Variants in GPAT3 observed in about 807,000 individuals in gnomAD.
GPAT3 encodes the protein 1-AGP acyltransferase 9.
GPAT3 carries 53 observed loss-of-function variants against 58.8 expected under a neutral mutation model. The observed-to-expected ratio is 0.90, with a 90% confidence interval of 0.72 to 1.13. The LOEUF is 1.13. GPAT3 is among the 50% of genes most tolerant of loss of function. The pLI is 0.00. For synonymous variants in GPAT3, 197 were observed against 187.4 expected (o/e 1.05, Z -0.42); for missense variants, 511 against 527.6 (o/e 0.97, Z 0.31).
chr4:83,542,851 G>A (rs28684923), intron 1 of GPAT3, among the ~76,000 whole-genome samples: 51,808 of 151,646 alleles, frequency 0.34, 9,791 homozygotes, highest in Middle Eastern at 0.49. Context: ...TACAAAAATT[G>A]GCTGGGCCTG....
chr4:83,579,236 C>T (rs2110096155), intron 2 of GPAT3, among the ~76,000 whole-genome samples: 1 of 140,692 alleles, frequency 7.1e-6, no homozygotes, highest in East Asian at 2.1e-4. Flanking sequence ...CCTTCTCTCC[C>T]TCTTTTCTCC....
At chr4:83,551,752 A>C (rs1273617786) in intron 2 of GPAT3, among the ~76,000 whole-genome samples, 3 of 146,900 alleles carry the variant, frequency 2.0e-5, no homozygotes, top group Non-Finnish European at 4.5e-5. Context: ...AGATTGCACC[A>C]CTGCACTCCA....
chr4:83,604,453 G>C (rs1341498117), intron 11 of GPAT3, among the ~76,000 whole-genome samples: 6 of 152,174 alleles, frequency 3.9e-5, no homozygotes, highest in Admixed American at 3.3e-4. Flanking sequence ...CCAAACATCA[G>C]AGAGATTGTT....
rs1410920315 is a variant in GPAT3 at position 83,562,189 on chromosome 4, A to AT, written c.208+17588dup. On this transcript the variant is annotated intron_variant, in intron 2 of 11. Transcript: ENST00000264409. ...TAGTTATTTTATATATTATATATAT[A>AT]TATATATATAATATATATATATTAT... 3.5e-3 allele frequency among the ~76,000 whole-genome samples: 165 copies of AT among 47,194 alleles called. 2 individuals are homozygous for AT. Among genetic ancestry groups the AT allele is most frequent in the African/African-American group, 8.9e-3 (76 of 8,560 alleles). 31.0% of individuals were successfully genotyped at this position (47,194 alleles called of 152,430 possible).
intron 2 of GPAT3, among the ~76,000 whole-genome samples, chr4:83,556,482 A>AGCCTGGT (rs1724945134): frequency 6.6e-6 from 1 of 151,738 alleles, no homozygotes; most frequent in Non-Finnish European, 1.5e-5. Flanking sequence ...TGGGTGACAC[A>AGCCTGGT]GTGAGACTCA....
intron 2 of GPAT3, among the ~76,000 whole-genome samples, chr4:83,573,584 C>T (rs1208369026): frequency 6.6e-6 from 1 of 152,196 alleles, no homozygotes; most frequent in Non-Finnish European, 1.5e-5. Context: ...GGTCATTATA[C>T]TACCTTATCG....
At chr4:83,536,061 G>T, upstream of GPAT3, 1 of 985,462 alleles carries the variant, frequency 1.0e-6, no homozygotes, top group South Asian at 4.7e-5. Flanking sequence ...AGGAGGTGGG[G>T]CGAGGGCAGC....
In GPAT3 at chr4:83,597,531, TAATAAG is replaced by T; in HGVS notation, c.996+22_996+27del. The T allele has an allele frequency of 1.4e-6, 2 of 1,396,888 alleles. No homozygotes were observed. Among genetic ancestry groups the T allele is most frequent in the Non-Finnish European group, 1.9e-6 (2 of 1,025,790 alleles). The allele number at this position is 1,396,888 out of a possible 1,614,324, so 86.5% of individuals were successfully genotyped here. A position where few individuals can be genotyped will look rare whatever the true frequency, so the allele number is the denominator to read the frequency against. On this transcript the variant is annotated intron_variant, in intron 9 of 11. Transcript: ENST00000264409. ...TGCAATTAAGGTAAAACAGATACCA[TAATAAG>T]AATAATAATTATTATAAAGATATTG...
At chr4:83,592,342 C>T (rs555906990) in intron 6 of GPAT3, among the ~76,000 whole-genome samples, 88 of 152,168 alleles carry the variant, frequency 5.8e-4, no homozygotes, top group African/African-American at 2.1e-3. Context: ...TTGGAGGTGG[C>T]GTAAGGCAGA....
At chr4:83,588,677 A>C (rs1219431970) in intron 5 of GPAT3, among the ~76,000 whole-genome samples, 1 of 152,174 alleles carries the variant, frequency 6.6e-6, no homozygotes, top group Non-Finnish European at 1.5e-5. Context: ...GTTTTGAGCC[A>C]TGTCTCTCTG....
At chr4:83,541,393 C>CT (rs777665390) in intron 1 of GPAT3, among the ~76,000 whole-genome samples, 1,854 of 113,678 alleles carry the variant, frequency 0.016, 69 homozygotes, top group African/African-American at 0.043. Context: ...AATTTAAAAC[C>CT]TTTTTTTTTT....
Position 83,584,564 on chromosome 4 carries a change from G to C in GPAT3, c.480-2691G>C, listed in dbSNP as rs55679055. Among the ~76,000 whole-genome samples the C allele has an allele frequency of 5.3e-3, 811 of 152,044 alleles. 7 individuals carry two copies. Among genetic ancestry groups the C allele is most frequent in the African/African-American group, 0.018 (741 of 41,508 alleles). On this transcript the variant is annotated intron_variant, in intron 3 of 11. Coordinates refer to ENST00000264409, the MANE Select transcript of GPAT3 (RefSeq NM_032717.5). ...AGATAGAGTCTCACTCCATCACTTA[G>C]ACACAATCTTGGGTCACTGCAACCT...
At position 83,536,475 on chromosome 4, in the gene GPAT3, T is replaced by C; in HGVS notation, c.-148T>C. 1.4e-5 allele frequency: 20 copies of C among 1,459,778 alleles called. No homozygotes were observed. Among genetic ancestry groups the C allele is most frequent in the Non-Finnish European group, 1.8e-5 (20 of 1,112,530 alleles). 90.4% of individuals were successfully genotyped at this position (1,459,778 alleles called of 1,614,324 possible). A position where few individuals can be genotyped will look rare whatever the true frequency, so the allele number is the denominator to read the frequency against. ...AAGGATATTGCCGTAATTCTGAAAG[T>C]TTTTTTCCTTCCTCTCTTCCCTTCG... is the stretch of plus-strand genomic sequence containing the variant. On this transcript the variant is annotated 5_prime_UTR_variant, in exon 1 of 12. Transcript: ENST00000264409.
intron 2 of GPAT3, among the ~76,000 whole-genome samples, chr4:83,547,691 A>G (rs568511450): frequency 6.6e-6 from 1 of 152,266 alleles, no homozygotes; most frequent in East Asian, 1.9e-4. Context: ...AGCCTAGGCA[A>G]ATTATTATCT....
At chr4:83,571,839 C>G (rs543320898) in intron 2 of GPAT3, among the ~76,000 whole-genome samples, 1 of 151,976 alleles carries the variant, frequency 6.6e-6, no homozygotes, top group South Asian at 2.1e-4. Flanking sequence ...GTGGTGCCAT[C>G]TCGGCTCACT....
At chr4:83,558,723 G>A (rs1237889136) in intron 2 of GPAT3, among the ~76,000 whole-genome samples, 3 of 152,170 alleles carry the variant, frequency 2.0e-5, no homozygotes, top group African/African-American at 7.2e-5. Flanking sequence ...ATTGGGTTCT[G>A]GAGGCCCTAA....
rs1724073712 is a variant in GPAT3, at chr4:83,536,193, C to T, written c.-430C>T. 1.0e-6 allele frequency: 1 copy of T among 987,214 alleles called. No individual in the cohort carries two copies. The highest frequency in any genetic ancestry group is 4.7e-5 in the South Asian group (1 of 21,430). 61.2% of individuals were successfully genotyped at this position (987,214 alleles called of 1,614,324 possible). ...CGGTGCTCCCGCAGGGAACCTGGCTCGGGGAGGGCCTCCGTGAGTCATCTG... is the reference window on the plus strand; with the variant it reads ...CGGTGCTCCCGCAGGGAACCTGGCTTGGGGAGGGCCTCCGTGAGTCATCTG... On this transcript the variant is annotated 5_prime_UTR_variant, in exon 1 of 12. Transcript: ENST00000264409.
At chr4:83,601,840 T>G (rs1165116564) in intron 11 of GPAT3, among the ~76,000 whole-genome samples, 1 of 152,218 alleles carries the variant, frequency 6.6e-6, no homozygotes, top group African/African-American at 2.4e-5. Context: ...TAAAGATAGC[T>G]GAAGCCATTA....
chr4:83,576,999 C>A (rs1210890748), intron 2 of GPAT3, among the ~76,000 whole-genome samples: 2 of 152,154 alleles, frequency 1.3e-5, no homozygotes, highest in Admixed American at 1.3e-4. Flanking sequence ...GCACCACTTT[C>A]AGCCAAGTGA....
Sources: allele counts gnomAD v4.1 joint callset (sites outside exome capture counted in the v4.1 genomes callset), GRCh38; gene constraint gnomAD v4.1.1; transcripts MANE v1.5; gene names NCBI Gene and HGNC (gene_info 2026-07-23, HGNC 2026-07-21).